KIAA1671: variants seen among roughly 807,000 people sequenced by gnomAD.
The protein encoded by KIAA1671 is KIAA1671.
Under a neutral mutation model 131.2 loss-of-function variants are expected in KIAA1671, and 52 were observed. The observed-to-expected ratio is 0.40, with a 90% CI of 0.32 to 0.50. The LOEUF (loss-of-function observed/expected upper bound fraction) is 0.50. Among genes scored for constraint, KIAA1671 ranks in the 20% least tolerant of loss-of-function variants. KIAA1671 has a pLI of 0.73. For missense variants in KIAA1671, 2,360 were observed against 2,364.2 expected, an observed-to-expected ratio of 1.00 and a Z score of 0.04; for synonymous variants, 1,003 against 961.6, an observed-to-expected ratio of 1.04 and a Z score of -0.80.
intron 6 of KIAA1671, chr22:25,056,467 C>T (rs7288609): frequency 0.66 from 97,666 of 147,986 alleles, 35,514 homozygotes; most frequent in African/African-American, 0.85. Flanking sequence ...TTGACATCTC[C>T]GTGCCTCAGT....
intron 1 of KIAA1671, among the ~76,000 whole-genome samples, chr22:24,981,824 T>C (rs1199495113): frequency 6.6e-6 from 1 of 152,204 alleles, no homozygotes; most frequent in Non-Finnish European, 1.5e-5. Flanking sequence ...GGAGGACTGC[T>C]TGAGCCTGGG....
intron 4 of KIAA1671, among the ~76,000 whole-genome samples, chr22:25,038,146 T>G (rs1926717002): frequency 6.6e-6 from 1 of 152,186 alleles, no homozygotes; most frequent in Non-Finnish European, 1.5e-5. Flanking sequence ...CTTTAATTCC[T>G]TTTAAAAGAT....
At position 24,970,784 on chromosome 22, in the gene KIAA1671, T is replaced by C. The variant is rs533793523; in HGVS notation, c.-208+18012T>C. Among the ~76,000 whole-genome samples the C allele has an allele frequency of 1.2e-4, 18 of 151,326 alleles. No homozygotes were observed. The South Asian group carries it at 3.6e-3, about 30-fold the overall frequency. ...CATTTTAAGAAAGTTTATGAATTTG[T>C]GTTGGGCTCATTTAAAGCTGTCCTG... On this transcript the variant is annotated intron_variant, in intron 1 of 12. Coordinates refer to ENST00000358431, the MANE Select transcript of KIAA1671 (RefSeq NM_001145206.2).
At chr22:25,132,667 G>C (rs1193835759) in intron 6 of KIAA1671, among the ~76,000 whole-genome samples, 1 of 152,132 alleles carries the variant, frequency 6.6e-6, no homozygotes, top group Non-Finnish European at 1.5e-5. Context: ...CCTGCCAGCT[G>C]TTCCCACCTT....
chr22:25,008,939 T>C (rs1924886761), intron 1 of KIAA1671, among the ~76,000 whole-genome samples: 1 of 152,162 alleles, frequency 6.6e-6, no homozygotes, highest in African/African-American at 2.4e-5. Flanking sequence ...TCATGGAGCC[T>C]TCGACTTAGG....
intron 1 of KIAA1671, among the ~76,000 whole-genome samples, chr22:25,017,789 C>T (rs1925409176): frequency 6.6e-6 from 1 of 152,122 alleles, no homozygotes; most frequent in African/African-American, 2.4e-5. Context: ...GGCTCCTAAG[C>T]CAGGGCTTCT....
intron 3 of KIAA1671, among the ~76,000 whole-genome samples, chr22:25,032,038 G>A (rs1465004431): frequency 2.6e-5 from 4 of 152,182 alleles, no homozygotes; most frequent in African/African-American, 9.7e-5. Flanking sequence ...CCTTTTTGAG[G>A]TGGGGAAAAC....
chr22:25,185,270 C>G lies in KIAA1671; in HGVS notation c.5342+151C>G, dbSNP rs957962434. ...CAGAAGCTTTGTTCATGAGAATTCT[C>G]AATACTCAGATACCTAAAAAGTACA... On this transcript the variant is annotated intron_variant, in intron 11 of 12. Coordinates refer to ENST00000358431, the MANE Select transcript of KIAA1671 (RefSeq NM_001145206.2). 25 of 888,456 alleles carry G rather than the reference C, an allele frequency of 2.8e-5. No individual in the cohort carries two copies. In the African/African-American group the frequency reaches 4.1e-4, roughly 15 times the overall value. The allele number at this position is 888,456 out of a possible 1,614,324, so 55.0% of individuals were successfully genotyped here.
At chr22:25,005,718 C>T (rs1924713980) in intron 1 of KIAA1671, among the ~76,000 whole-genome samples, 1 of 152,182 alleles carries the variant, frequency 6.6e-6, no homozygotes, top group South Asian at 2.1e-4. Flanking sequence ...TAGTTCCTTC[C>T]CGTGGGGGAG....
chr22:24,983,662 C>T (rs533680991), intron 1 of KIAA1671, among the ~76,000 whole-genome samples: 17 of 127,184 alleles, frequency 1.3e-4, no homozygotes, highest in African/African-American at 4.2e-4. Context: ...GAACAGCTTG[C>T]GCTAGGGCTT....
chr22:25,027,919 CTTGTTTGTTTGTT>C lies in KIAA1671; in HGVS notation c.-55-15_-55-3del, dbSNP rs1926038373. The C allele has an allele frequency of 3.5e-6, 4 of 1,138,796 alleles. No individual in the cohort carries two copies. In the Admixed American group the frequency reaches 1.2e-4, roughly 34 times the overall value. The allele number at this position is 1,138,796 out of a possible 1,614,324, so 70.5% of individuals were successfully genotyped here. ...AGACACTGACTGTTTTCCAAATTTACTTGTTTGTTTGTTTTGTTTGTTTAGCAATTGCTTCTCC... is the reference window on the plus strand; with the variant it reads ...AGACACTGACTGTTTTCCAAATTTACTTGTTTGTTTAGCAATTGCTTCTCC... On this transcript the variant is annotated splice_polypyrimidine_tract_variant and intron_variant, in intron 2 of 12. Coordinates refer to ENST00000358431, the MANE Select transcript of KIAA1671 (RefSeq NM_001145206.2).
intron 3 of KIAA1671, among the ~76,000 whole-genome samples, chr22:25,029,965 G>T (rs1376834098): frequency 6.6e-6 from 1 of 152,216 alleles, no homozygotes; most frequent in Non-Finnish European, 1.5e-5. Context: ...AAGCCTTTAT[G>T]AGTGGCCCAA....
chr22:25,029,265 T>C lies in KIAA1671; in HGVS notation c.1266T>C (p.Asp422=), dbSNP rs973984896. The stretch of plus-strand genomic sequence containing the variant: ...CTGAGGTTAAGAGCAGAGTGGCGGA[T>C]GGGGAGGCCGCGGCAGGGGGAGAGT... ...ELAEVKSRVA[D]GEAAAGGEWA... Residue 422 remains aspartate, a synonymous_variant, in exon 3 of 13, where the codon GAT becomes GAC. Transcript: ENST00000358431. 2.7e-6 allele frequency: 4 copies of C among 1,500,252 alleles called. No homozygotes were observed. In the Admixed American group the frequency reaches 8.5e-5, roughly 32 times the overall value. 92.9% of individuals were successfully genotyped at this position (1,500,252 alleles called of 1,614,324 possible).
intron 6 of KIAA1671, among the ~76,000 whole-genome samples, chr22:25,066,586 T>A (rs1234334529): frequency 6.6e-6 from 1 of 152,164 alleles, no homozygotes. Context: ...GAGAAACACA[T>A]ACATTCAAAC....
In KIAA1671 at chr22:25,074,574, CAT is replaced by C. The variant is rs374583547; in HGVS notation, c.4530+25213_4530+25214del. Among the ~76,000 whole-genome samples the C allele has an allele frequency of 1.7e-3, 248 of 144,922 alleles. 3 individuals are homozygous for C. The South Asian group carries it at 0.04, about 24-fold the overall frequency. On this transcript the variant is annotated intron_variant, in intron 6 of 12. Coordinates refer to ENST00000358431, the MANE Select transcript of KIAA1671 (RefSeq NM_001145206.2). ...ATATGTGTATATATATGTATATATG[CAT>C]ATGTGTGTGTGTGCGTGTATATATA...
rs571475626 is a variant in KIAA1671 at position 25,152,682 on chromosome 22, A to G, written c.4531-18138A>G. Among the ~76,000 whole-genome samples the G allele has an allele frequency of 7.9e-4, 121 of 152,298 alleles. 1 individual carries two copies. The highest frequency in any genetic ancestry group is 1.8e-3 in the Admixed American group (27 of 15,298). On this transcript the variant is annotated intron_variant, in intron 6 of 12. Transcript: ENST00000358431. ...CAGTGGCGCGATCTTGGCTAACTGCAACCTCTACCTCCTGAGTTCAAGCGA... is the reference window on the plus strand; with the variant it reads ...CAGTGGCGCGATCTTGGCTAACTGCGACCTCTACCTCCTGAGTTCAAGCGA...
chr22:25,179,284 G>A lies in KIAA1671; in HGVS notation c.5074+1762G>A, dbSNP rs912834891. ...AAAACCCGAACGTGTTCTCTCGCAG[G>A]ATGGGCGCCGCCCGTCCCGGGCCCT... On this transcript the variant is annotated intron_variant, in intron 9 of 12. Coordinates refer to ENST00000358431, the MANE Select transcript of KIAA1671 (RefSeq NM_001145206.2). 1.3e-4 allele frequency: 203 copies of A among 1,564,796 alleles called. 1 individual carries two copies. The Admixed American group carries it at 3.7e-3, about 28-fold the overall frequency.
intron 6 of KIAA1671, among the ~76,000 whole-genome samples, chr22:25,153,949 G>T (rs1016962456): frequency 5.3e-5 from 8 of 152,198 alleles, no homozygotes; most frequent in African/African-American, 1.9e-4. Context: ...GACCTTCAAG[G>T]TCTGCAGCTG....
chr22:25,108,296 T>A (rs1171535814), intron 6 of KIAA1671, among the ~76,000 whole-genome samples: 1 of 152,204 alleles, frequency 6.6e-6, no homozygotes, highest in African/African-American at 2.4e-5. Context: ...CCAGATGGTC[T>A]GTTAAAAAGC....
Sources: allele counts gnomAD v4.1 joint callset (sites outside exome capture counted in the v4.1 genomes callset), GRCh38; gene constraint gnomAD v4.1.1; transcripts MANE v1.5; gene names NCBI Gene and HGNC (gene_info 2026-07-23, HGNC 2026-07-21).